TPTE: variants seen among roughly 807,000 people sequenced by gnomAD.
TPTE encodes the protein transmembrane phosphatase with tensin homology, also known as putative tyrosine-protein phosphatase TPTE.
A neutral mutation model predicts 84.1 loss-of-function variants in TPTE; 59 were observed. The observed-to-expected ratio is 0.70, with a 90% CI of 0.57 to 0.87. The LOEUF is 0.87. Ranked by LOEUF, TPTE falls within the 40% of genes least tolerant of loss-of-function variation. TPTE has a pLI of 0.00. For missense variants in TPTE, 382 were observed against 659.6 expected, an observed-to-expected ratio of 0.58 and a Z score of 4.61; for synonymous variants, 130 against 223.5, an observed-to-expected ratio of 0.58 and a Z score of 3.73.
intron 21 of TPTE, among the ~76,000 whole-genome samples, chr21:10,600,727 G>GT (rs1187895172): frequency 1.3e-5 from 2 of 152,300 alleles, no homozygotes; most frequent in Non-Finnish European, 2.9e-5. Flanking sequence ...CCCCTTTTGT[G>GT]TTTTTCACAG....
At chr21:10,565,529 A>G (rs2074902828) in intron 10 of TPTE, among the ~76,000 whole-genome samples, 1 of 152,308 alleles carries the variant, frequency 6.6e-6, no homozygotes, top group Non-Finnish European at 1.5e-5. Context: ...ATGGAGCCAC[A>G]AAAGACCCAG....
chr21:10,540,547 G>T (rs1238354619), intron 4 of TPTE, among the ~76,000 whole-genome samples: 2 of 152,308 alleles, frequency 1.3e-5, no homozygotes, highest in Non-Finnish European at 2.9e-5. Flanking sequence ...AGTGGACAAA[G>T]ATCAGAGAAA....
Position 10,527,384 on chromosome 21 carries a change from T to TA in TPTE, c.-71dup, listed in dbSNP as rs1472856511. On this transcript the variant is annotated 5_prime_UTR_variant, in exon 3 of 24. In the 5' UTR this introduces an upstream ATG that the reference lacks. Coordinates refer to ENST00000618007, the MANE Select transcript of TPTE (RefSeq NM_199261.4). ...ATGGATTCACTACCAGATTCTACTG[T>TA]ATGCTCTTGACAACTATGACCACAA... 6.6e-6 allele frequency: 1 copy of TA among 152,552 alleles called. No individual in the cohort carries two copies. The highest frequency in any genetic ancestry group is 1.5e-5 in the Non-Finnish European group (1 of 68,080). 9.4% of individuals were successfully genotyped at this position (152,552 alleles called of 1,614,324 possible). A position where few individuals can be genotyped will look rare whatever the true frequency, so the allele number is the denominator to read the frequency against.
intron 17 of TPTE, among the ~76,000 whole-genome samples, chr21:10,584,764 T>C (rs2075332667): frequency 6.6e-6 from 1 of 152,312 alleles, no homozygotes; most frequent in Admixed American, 6.5e-5. Flanking sequence ...TCATCTCCCC[T>C]AGCACTGGCT....
At position 10,603,186 on chromosome 21, in the gene TPTE, G is replaced by A. The variant is rs1049869990; in HGVS notation, c.1450-376G>A. 4.6e-5 allele frequency among the ~76,000 whole-genome samples: 7 copies of A among 152,398 alleles called. No individual in the cohort carries two copies. The East Asian group carries it at 1.2e-3, about 25-fold the overall frequency. On this transcript the variant is annotated intron_variant, in intron 22 of 23. Transcript: ENST00000618007. ...AGAAAATCCAATTTATAATTAAAAG[G>A]GATGCTGAGGCAACAAAAAAATTAC...
At chr21:10,531,190 AC>A (rs1268107267) in intron 3 of TPTE, among the ~76,000 whole-genome samples, 1 of 152,306 alleles carries the variant, frequency 6.6e-6, no homozygotes, top group Non-Finnish European at 1.5e-5. Flanking sequence ...GGAGATTTGT[AC>A]CCCCAAACCG....
intron 3 of TPTE, among the ~76,000 whole-genome samples, chr21:10,531,084 T>TTA (rs1568952103): frequency 6.6e-6 from 1 of 152,308 alleles, no homozygotes; most frequent in Non-Finnish European, 1.5e-5. Context: ...TCTTTTAAAA[T>TTA]TATGTTTAAT....
At chr21:10,539,681 A>G (rs1203336773) in intron 4 of TPTE, among the ~76,000 whole-genome samples, 1 of 152,308 alleles carries the variant, frequency 6.6e-6, no homozygotes, top group Non-Finnish European at 1.5e-5. Flanking sequence ...AAATACACAC[A>G]TGACTTCTCT....
chr21:10,550,566 GCACT>G (rs1269285997), intron 7 of TPTE, among the ~76,000 whole-genome samples: 1 of 152,308 alleles, frequency 6.6e-6, no homozygotes, highest in Non-Finnish European at 1.5e-5. Flanking sequence ...AAATATGTAT[GCACT>G]CAAACACCAG....
At chr21:10,532,278 CATCT>C in intron 3 of TPTE, among the ~76,000 whole-genome samples, 1 of 152,298 alleles carries the variant, frequency 6.6e-6, no homozygotes, top group Non-Finnish European at 1.5e-5. Context: ...TTTTCCATTC[CATCT>C]AAGTTTTCAC....
chr21:10,555,975 A>G (rs1397381031), intron 8 of TPTE, among the ~76,000 whole-genome samples: 1 of 152,308 alleles, frequency 6.6e-6, no homozygotes, highest in African/African-American at 2.4e-5. Context: ...AATCAATACT[A>G]TTATTCATGA....
intron 4 of TPTE, among the ~76,000 whole-genome samples, chr21:10,539,002 C>T (rs569264656): frequency 6.6e-6 from 1 of 152,426 alleles, no homozygotes. Flanking sequence ...AATTCTTCTC[C>T]TAGTAGCCTT....
chr21:10,586,207 T>A (rs1447589348), intron 17 of TPTE, among the ~76,000 whole-genome samples: 1 of 152,304 alleles, frequency 6.6e-6, no homozygotes, highest in Non-Finnish European at 1.5e-5. Flanking sequence ...GGCTACAAGT[T>A]TTCCTCTAAG....
At chr21:10,559,321 A>G (rs1197209373) in intron 8 of TPTE, among the ~76,000 whole-genome samples, 173 bp from the exon 9 acceptor site, 1 of 152,308 alleles carries the variant, frequency 6.6e-6, no homozygotes, top group African/African-American at 2.4e-5. Flanking sequence ...CAAGTAAAAT[A>G]CTCATGGAGC....
At chr21:10,561,245 GC>G in intron 10 of TPTE, 54 bp downstream of exon 10, 1 of 1,602,168 alleles carries the variant, frequency 6.2e-7, no homozygotes, top group East Asian at 2.2e-5. Context: ...TTTATAAGAA[GC>G]ACTTTCGGAG....
intron 20 of TPTE, among the ~76,000 whole-genome samples, chr21:10,597,619 A>G (rs11908716): frequency 6.6e-6 from 1 of 150,632 alleles, no homozygotes. Flanking sequence ...TTCACCATCT[A>G]GGCCACGCTG....
chr21:10,528,727 A>G (rs574618379), intron 3 of TPTE, among the ~76,000 whole-genome samples: 2 of 152,304 alleles, frequency 1.3e-5, no homozygotes, highest in African/African-American at 4.8e-5. Flanking sequence ...TTTTGAATTA[A>G]TTTTCCACAT....
chr21:10,597,089 G>C (rs1300993122), intron 20 of TPTE, among the ~76,000 whole-genome samples: 1 of 152,310 alleles, frequency 6.6e-6, no homozygotes, highest in African/African-American at 2.4e-5. Flanking sequence ...AGAGTTGAGA[G>C]GAAAGCAATA....
chr21:10,555,714 T>G (rs2074668958), intron 8 of TPTE, among the ~76,000 whole-genome samples: 1 of 152,308 alleles, frequency 6.6e-6, no homozygotes, highest in Admixed American at 6.5e-5. Context: ...CTTTGTAAAT[T>G]TGTCTATGTT....
Sources: gnomAD v4.1 joint callset for allele counts (sites outside exome capture counted in the v4.1 genomes callset) on GRCh38, gnomAD v4.1.1 for gene constraint, MANE v1.5 for transcripts, NCBI Gene and HGNC (gene_info 2026-07-23, HGNC 2026-07-21) for gene names.